The following CTNNA2 variants were observed in gnomAD, a reference collection of about 807,000 sequenced individuals.
CTNNA2 encodes catenin alpha-2.
Under a neutral mutation model 101.0 loss-of-function variants are expected in CTNNA2, and 42 were observed. The observed-to-expected ratio is 0.42, with a 90% CI of 0.32 to 0.54. CTNNA2 has a LOEUF of 0.54. CTNNA2 is among the 20% of genes least tolerant of loss of function. CTNNA2 has a pLI of 0.14. For missense variants in CTNNA2, 871 were observed against 1,223.1 expected (o/e 0.71, Z 4.29); for synonymous variants, 450 against 456.4 (o/e 0.99, Z 0.18).
At chr2:80,618,277 C>T (rs1334282514) in intron 17 of CTNNA2, among the ~76,000 whole-genome samples, 1 of 151,724 alleles carries the variant, frequency 6.6e-6, no homozygotes, top group Non-Finnish European at 1.5e-5. Context: ...CTGAGAGTGA[C>T]AGTGCATTTT....
At chr2:80,138,561 C>T (rs796611951) in intron 7 of CTNNA2, among the ~76,000 whole-genome samples, 9 of 152,160 alleles carry the variant, frequency 5.9e-5, no homozygotes, top group African/African-American at 2.2e-4. Flanking sequence ...GTATCATGTG[C>T]TTTTTGTGGG....
At chr2:80,445,612 A>T (rs563240734) in intron 9 of CTNNA2, among the ~76,000 whole-genome samples, 76 of 152,230 alleles carry the variant, frequency 5.0e-4, no homozygotes, top group African/African-American at 1.8e-3. Context: ...TGTCCACCAA[A>T]AACTTGGTGT....
chr2:79,309,251 C>A (rs1676313403), intron 2 of CTNNA2, among the ~76,000 whole-genome samples: 1 of 152,120 alleles, frequency 6.6e-6, no homozygotes, highest in African/African-American at 2.4e-5. Flanking sequence ...CCCACTCCCT[C>A]AAGTTTCAAC....
chr2:79,792,499 T>C (rs779571422), intron 3 of CTNNA2, among the ~76,000 whole-genome samples: 4 of 152,208 alleles, frequency 2.6e-5, no homozygotes, highest in Admixed American at 6.5e-5. Flanking sequence ...TGTGACATGC[T>C]GGATGAAGGA....
At chr2:79,575,132 G>A (rs1031640668) in intron 1 of CTNNA2, among the ~76,000 whole-genome samples, 21 of 152,052 alleles carry the variant, frequency 1.4e-4, no homozygotes, top group African/African-American at 5.1e-4. Flanking sequence ...GTACATGAAT[G>A]CTGTTGGTGG....
intron 1 of CTNNA2, among the ~76,000 whole-genome samples, chr2:79,525,750 T>C (rs1262398396): frequency 6.6e-6 from 1 of 152,054 alleles, no homozygotes; most frequent in Non-Finnish European, 1.5e-5. Context: ...GTTCATGGAA[T>C]GGCAAGAGAC....
chr2:79,935,679 C>T (rs1195767116), intron 7 of CTNNA2, among the ~76,000 whole-genome samples: 1 of 152,146 alleles, frequency 6.6e-6, no homozygotes, highest in Admixed American at 6.5e-5. Flanking sequence ...GAGATGAATG[C>T]ATAAATCTAA....
intron 7 of CTNNA2, among the ~76,000 whole-genome samples, chr2:80,140,350 C>T (rs554204730): frequency 6.6e-6 from 1 of 152,246 alleles, no homozygotes; most frequent in East Asian, 1.9e-4. Flanking sequence ...TCACTGTCAC[C>T]ACCTCGGGCA....
intron 7 of CTNNA2, among the ~76,000 whole-genome samples, chr2:80,352,464 G>A (rs928661604): frequency 1.4e-4 from 22 of 152,250 alleles, no homozygotes; most frequent in Middle Eastern, 3.4e-3. Flanking sequence ...TATAGTTGGT[G>A]ATTAGAAAGC....
intron 12 of CTNNA2, among the ~76,000 whole-genome samples, chr2:80,559,214 G>A (rs72622685): frequency 0.021 from 3,206 of 152,292 alleles, 89 homozygotes; most frequent in East Asian, 0.11. Context: ...TGGAGCCCAT[G>A]TACTGTGGAC....
At position 79,879,537 on chromosome 2, in the gene CTNNA2, C is replaced by G. The variant is rs187211118; in HGVS notation, c.852+5195C>G. Reference sequence around the variant, plus strand: ...TTCTCCTTGAAGAGGTCCTTCACATCCTTGTTAGCTGTATTCCTAGGTATT... The same window carrying G: ...TTCTCCTTGAAGAGGTCCTTCACATGCTTGTTAGCTGTATTCCTAGGTATT... On this transcript the variant is annotated intron_variant, in intron 6 of 18. Transcript: ENST00000402739. Among the ~76,000 whole-genome samples, 223 of 152,084 alleles carry G rather than the reference C, an allele frequency of 1.5e-3. 2 individuals are homozygous for G. The highest frequency in any genetic ancestry group is 8.8e-5 in the Non-Finnish European group (6 of 67,988).
chr2:79,584,722 G>T (rs2103930907), intron 1 of CTNNA2, among the ~76,000 whole-genome samples: 1 of 152,114 alleles, frequency 6.6e-6, no homozygotes, highest in African/African-American at 2.4e-5. Context: ...GTTTCACCAT[G>T]TTGTCCAGGC....
At position 80,404,145 on chromosome 2, in the gene CTNNA2, A is replaced by T. The variant is rs568930449; in HGVS notation, c.1137+10854A>T. Among the ~76,000 whole-genome samples, 3 of 152,236 alleles carry T rather than the reference A, an allele frequency of 2.0e-5. No homozygotes were observed. The South Asian group carries it at 6.2e-4, about 32-fold the overall frequency. On this transcript the variant is annotated intron_variant, in intron 8 of 18. Transcript: ENST00000402739. Reference sequence around the variant, plus strand: ...TCACAAAATGAGGGTGTATGTGTCCAGGAATTTATCCATTTCTTCTAGATT... The same window carrying T: ...TCACAAAATGAGGGTGTATGTGTCCTGGAATTTATCCATTTCTTCTAGATT...
At chr2:80,532,739 GTGT>G (rs1404889983) in intron 9 of CTNNA2, among the ~76,000 whole-genome samples, 1 of 152,072 alleles carries the variant, frequency 6.6e-6, no homozygotes, top group East Asian at 1.9e-4. Flanking sequence ...GTTTGTGTGT[GTGT>G]TTTTTTTAAA....
At chr2:79,937,990 T>A (rs1687902149) in intron 7 of CTNNA2, among the ~76,000 whole-genome samples, 1 of 152,230 alleles carries the variant, frequency 6.6e-6, no homozygotes, top group Non-Finnish European at 1.5e-5. Flanking sequence ...CAGACATGTT[T>A]TTTAAACTCT....
At chr2:80,235,611 G>A (rs554393759) in intron 7 of CTNNA2, among the ~76,000 whole-genome samples, 130 of 152,294 alleles carry the variant, frequency 8.5e-4, no homozygotes, top group Non-Finnish European at 1.5e-3. Context: ...TTTATTAGAA[G>A]AAGATTGGGA....
chr2:80,572,161 T>C (rs535813091), intron 12 of CTNNA2, among the ~76,000 whole-genome samples: 4 of 152,292 alleles, frequency 2.6e-5, no homozygotes, highest in Non-Finnish European at 5.9e-5. Flanking sequence ...ATGCTCAATA[T>C]GATTAATATT....
intron 7 of CTNNA2, among the ~76,000 whole-genome samples, chr2:80,200,274 A>T (rs1707117588): frequency 6.6e-6 from 1 of 152,208 alleles, no homozygotes; most frequent in Non-Finnish European, 1.5e-5. Context: ...TATAGATGAG[A>T]AACAGACTCT....
At chr2:80,593,243 A>G (rs1193091396) in intron 15 of CTNNA2, among the ~76,000 whole-genome samples, 1 of 152,128 alleles carries the variant, frequency 6.6e-6, no homozygotes, top group Non-Finnish European at 1.5e-5. Context: ...AAATGGGGAG[A>G]TACAACCAAC....
Sources: allele counts gnomAD v4.1 joint callset (sites outside exome capture counted in the v4.1 genomes callset), GRCh38; gene constraint gnomAD v4.1.1; transcripts MANE v1.5; gene names NCBI Gene and HGNC (gene_info 2026-07-23, HGNC 2026-07-21).